The following CERS6 variants were observed in gnomAD, a reference collection of about 807,000 sequenced individuals.
CERS6 encodes the protein LAG1 homolog, ceramide synthase 6.
A neutral mutation model predicts 56.8 loss-of-function variants in CERS6; 26 were observed. The observed-to-expected ratio is 0.46, with a 90% CI of 0.34 to 0.63. CERS6 has a LOEUF of 0.63. CERS6 is among the 30% of genes least tolerant of loss of function. The probability of loss-of-function intolerance (pLI) is 0.01; values close to 1 mark genes in which losing one functional copy is unlikely to be tolerated. For synonymous variants in CERS6, 164 were observed against 173.3 expected, an observed-to-expected ratio of 0.95 and a Z score of 0.42; for missense variants, 415 against 467.5, an observed-to-expected ratio of 0.89 and a Z score of 1.04.
chr2:168,768,739 C>G (rs1318216439), intron 9 of CERS6, among the ~76,000 whole-genome samples: 9 of 151,686 alleles, frequency 5.9e-5, no homozygotes, highest in African/African-American at 2.2e-4. Flanking sequence ...AACCCTGTCT[C>G]TACTAAAAAT....
intron 3 of CERS6, among the ~76,000 whole-genome samples, chr2:168,580,179 A>G (rs576533622): frequency 1.4e-4 from 21 of 151,926 alleles, no homozygotes; most frequent in South Asian, 6.2e-4. Context: ...TTCAGTCCGG[A>G]CACATTTGTT....
intron 1 of CERS6, among the ~76,000 whole-genome samples, chr2:168,530,788 G>C (rs1695153589): frequency 6.6e-6 from 1 of 152,190 alleles, no homozygotes; most frequent in African/African-American, 2.4e-5. Flanking sequence ...TTTTGAATGT[G>C]ATGGCCTTTT....
At chr2:168,594,864 T>G (rs114010784) in intron 3 of CERS6, among the ~76,000 whole-genome samples, 1 of 152,166 alleles carries the variant, frequency 6.6e-6, no homozygotes, top group Non-Finnish European at 1.5e-5. Flanking sequence ...TCATGTATCT[T>G]AATGTTTGTT....
chr2:168,564,549 C>T (rs1357032270), intron 3 of CERS6, among the ~76,000 whole-genome samples: 1 of 152,118 alleles, frequency 6.6e-6, no homozygotes, highest in African/African-American at 2.4e-5. Flanking sequence ...GGTCCCTGAG[C>T]CTGATAACTA....
chr2:168,659,186 C>T (rs1454344381), intron 4 of CERS6, among the ~76,000 whole-genome samples: 1 of 152,200 alleles, frequency 6.6e-6, no homozygotes, highest in African/African-American at 2.4e-5. Flanking sequence ...TTTGTTATTA[C>T]GATTTTGTCA....
chr2:168,582,086 T>G (rs1683427526), intron 3 of CERS6, among the ~76,000 whole-genome samples: 1 of 152,220 alleles, frequency 6.6e-6, no homozygotes, highest in Non-Finnish European at 1.5e-5. Flanking sequence ...TTTCCCTTTT[T>G]CTCTTCTTCT....
chr2:168,603,685 C>T (rs938479405), intron 3 of CERS6, among the ~76,000 whole-genome samples: 2 of 152,174 alleles, frequency 1.3e-5, no homozygotes, highest in African/African-American at 4.8e-5. Flanking sequence ...TCACAGCTGC[C>T]AGTGGGAGAC....
intron 4 of CERS6, among the ~76,000 whole-genome samples, chr2:168,670,663 G>C (rs1009122587): frequency 6.6e-6 from 1 of 152,092 alleles, no homozygotes; most frequent in Non-Finnish European, 1.5e-5. Context: ...ATTTCCTTCA[G>C]GCTTTTGCTC....
At chr2:168,471,020 A>G (rs1693967997) in intron 1 of CERS6, among the ~76,000 whole-genome samples, 1 of 152,122 alleles carries the variant, frequency 6.6e-6, no homozygotes, top group Non-Finnish European at 1.5e-5. Context: ...TACCAGTGTC[A>G]ATACTTGTGA....
rs75155315 is a variant in CERS6 at position 168,692,893 on chromosome 2, C to T, written c.516+1809C>T. Among the ~76,000 whole-genome samples the T allele has an allele frequency of 7.6e-3, 1,149 of 151,964 alleles. 6 individuals carry two copies. The highest frequency in any genetic ancestry group is 0.025 in the South Asian group (121 of 4,802). The stretch of plus-strand genomic sequence containing the variant: ...TAGCCTTAAGGGCACTTTTAAAGAC[C>T]GAGCATGCTTATGAGACATATTTAT... On this transcript the variant is annotated intron_variant, in intron 5 of 9. Transcript: ENST00000305747.
chr2:168,743,884 A>G (rs561397034), intron 8 of CERS6, among the ~76,000 whole-genome samples: 1 of 152,234 alleles, frequency 6.6e-6, no homozygotes, highest in South Asian at 2.1e-4. Flanking sequence ...TTACATTTGA[A>G]TAGAAATTTA....
chr2:168,640,326 G>C (rs1381774956), intron 4 of CERS6, among the ~76,000 whole-genome samples: 1 of 152,138 alleles, frequency 6.6e-6, no homozygotes, highest in South Asian at 2.1e-4. Context: ...ATGGAAATGT[G>C]GGCATAAAGC....
At chr2:168,469,284 A>T (rs1693936287) in intron 1 of CERS6, among the ~76,000 whole-genome samples, 2 of 152,208 alleles carry the variant, frequency 1.3e-5, no homozygotes, top group Non-Finnish European at 2.9e-5. Context: ...TGCATAGTTT[A>T]AATATAATTT....
intron 3 of CERS6, among the ~76,000 whole-genome samples, chr2:168,604,407 GTGTA>G (rs1684004394): frequency 1.3e-5 from 2 of 151,198 alleles, no homozygotes; most frequent in South Asian, 4.2e-4. Flanking sequence ...GTGTGTGTGT[GTGTA>G]GGTCAGGGGT....
chr2:168,558,927 T>G (rs947270844), intron 2 of CERS6, among the ~76,000 whole-genome samples: 2 of 152,204 alleles, frequency 1.3e-5, no homozygotes, highest in Admixed American at 6.5e-5. Flanking sequence ...GAAACTGATT[T>G]AATAATAACT....
chr2:168,547,801 T>G (rs1008970971), intron 2 of CERS6, 100 bp downstream of exon 2: 3 of 802,458 alleles, frequency 3.7e-6, no homozygotes, highest in Non-Finnish European at 6.4e-6. Flanking sequence ...AATCAACTTT[T>G]GCCTAGCCTT....
chr2:168,617,428 TAAATG>T (rs1684344076), intron 3 of CERS6, among the ~76,000 whole-genome samples: 1 of 151,838 alleles, frequency 6.6e-6, no homozygotes, highest in Non-Finnish European at 1.5e-5. Context: ...TTGCAAAAGA[TAAATG>T]AAATAAAATG....
chr2:168,734,526 A>G (rs74381903), intron 8 of CERS6, among the ~76,000 whole-genome samples: 2,976 of 152,334 alleles, frequency 0.02, 90 homozygotes, highest in African/African-American at 0.066. Flanking sequence ...GAACGAATCC[A>G]TCAGGAACAA....
intron 8 of CERS6, among the ~76,000 whole-genome samples, chr2:168,759,850 C>G (rs747444185): frequency 2.6e-5 from 4 of 151,332 alleles, no homozygotes; most frequent in Admixed American, 2.6e-4. Context: ...TAAGGAGAAC[C>G]CTGATATTAT....
Sources: allele counts gnomAD v4.1 joint callset (sites outside exome capture counted in the v4.1 genomes callset), GRCh38; gene constraint gnomAD v4.1.1; transcripts MANE v1.5; gene names NCBI Gene and HGNC (gene_info 2026-07-23, HGNC 2026-07-21).